Variants in GOLM2 observed in about 807,000 individuals in gnomAD.
GOLM2 encodes the protein protein GOLM2.
In GOLM2, 26 loss-of-function variants were observed where a neutral mutation model predicts 55.9. That is an observed-to-expected ratio of 0.47 (90% CI 0.34 to 0.65). GOLM2 has a LOEUF of 0.65. Ranked by LOEUF, GOLM2 falls within the 30% of genes least tolerant of loss-of-function variation. GOLM2 has a pLI of 0.01. For missense variants in GOLM2, 486 were observed against 531.8 expected, an observed-to-expected ratio of 0.91 and a Z score of 0.85; for synonymous variants, 165 against 194.6, an observed-to-expected ratio of 0.85 and a Z score of 1.27.
At chr15:44,304,421 T>C (rs968594688) in intron 1 of GOLM2, among the ~76,000 whole-genome samples, 5 of 150,878 alleles carry the variant, frequency 3.3e-5, no homozygotes, top group Admixed American at 1.3e-4. Flanking sequence ...TTTGTACTTT[T>C]AGTAGAGACA....
intron 2 of GOLM2, among the ~76,000 whole-genome samples, chr15:44,327,171 G>A (rs2078988732): frequency 2.6e-5 from 4 of 150,968 alleles, no homozygotes; most frequent in African/African-American, 9.7e-5. Flanking sequence ...GGCTGGTCTC[G>A]AACTCCTGAC....
intron 6 of GOLM2, among the ~76,000 whole-genome samples, chr15:44,352,087 A>C (rs1306870419): frequency 6.6e-6 from 1 of 152,200 alleles, no homozygotes; most frequent in African/African-American, 2.4e-5. Context: ...ATTTATATGA[A>C]ATCATAAAAG....
intron 1 of GOLM2, among the ~76,000 whole-genome samples, chr15:44,296,374 C>G (rs976318827): frequency 3.3e-5 from 5 of 152,220 alleles, no homozygotes; most frequent in Non-Finnish European, 7.3e-5. Flanking sequence ...CATACACACA[C>G]ATCAGTTTTG....
intron 6 of GOLM2, among the ~76,000 whole-genome samples, chr15:44,368,661 T>A (rs1458233739): frequency 6.6e-6 from 1 of 151,880 alleles, no homozygotes; most frequent in Admixed American, 6.6e-5. Context: ...TACCAGATGT[T>A]CCCACATTTT....
intron 1 of GOLM2, among the ~76,000 whole-genome samples, chr15:44,306,904 A>G (rs555270894): frequency 6.6e-5 from 10 of 152,306 alleles, no homozygotes; most frequent in African/African-American, 2.4e-4. Context: ...GATTAAACTC[A>G]CTGTCCTCTA....
intron 9 of GOLM2, among the ~76,000 whole-genome samples, chr15:44,410,544 C>T (rs1324804475): frequency 6.6e-6 from 1 of 151,906 alleles, no homozygotes; most frequent in East Asian, 1.9e-4. Context: ...CATATTAAGA[C>T]AGATTTGGGA....
chr15:44,411,961 G>A (rs2079641494), intron 9 of GOLM2, among the ~76,000 whole-genome samples: 1 of 152,092 alleles, frequency 6.6e-6, no homozygotes, highest in Admixed American at 6.6e-5. Context: ...GAGCCCAGGA[G>A]TTCCAGACTA....
chr15:44,391,102 C>T (rs1238772040), intron 8 of GOLM2, among the ~76,000 whole-genome samples: 1 of 152,078 alleles, frequency 6.6e-6, no homozygotes. Flanking sequence ...ATCAAAAGTT[C>T]CCCCCTTCCC....
intron 8 of GOLM2, among the ~76,000 whole-genome samples, chr15:44,391,839 C>G (rs1043981551): frequency 6.6e-6 from 1 of 151,870 alleles, no homozygotes; most frequent in East Asian, 1.9e-4. Context: ...TTGATGAATT[C>G]TTTATTTTTT....
chr15:44,304,116 C>T (rs945694821), intron 1 of GOLM2, among the ~76,000 whole-genome samples: 3 of 151,646 alleles, frequency 2.0e-5, no homozygotes, highest in African/African-American at 7.3e-5. Context: ...TCAAGTAATC[C>T]TCCCACCTCA....
intron 1 of GOLM2, among the ~76,000 whole-genome samples, chr15:44,320,545 TC>T (rs1376781189): frequency 3.3e-5 from 5 of 152,180 alleles, no homozygotes; most frequent in Admixed American, 6.5e-5. Context: ...CCTCAAGTGA[TC>T]CTCTTGCTTT....
intron 4 of GOLM2, among the ~76,000 whole-genome samples, chr15:44,333,594 T>C (rs534560206): frequency 5.3e-5 from 8 of 152,294 alleles, no homozygotes; most frequent in East Asian, 3.9e-4. Context: ...AAAGGTATTA[T>C]TGAGACACTG....
intron 6 of GOLM2, chr15:44,349,041 C>T (rs2079143385): frequency 1.3e-5 from 2 of 152,332 alleles, no homozygotes; most frequent in Admixed American, 1.3e-4. Context: ...AGGCGGATCA[C>T]CTGAGGTCGG....
Position 44,404,514 on chromosome 15 carries a change from C to T in GOLM2, c.1240+1460C>T, listed in dbSNP as rs184918597. ...TGATATTGATATAAATATAACCTTACAATATTATGTACTTTTTCTATAATC... is the reference window on the plus strand; with the variant it reads ...TGATATTGATATAAATATAACCTTATAATATTATGTACTTTTTCTATAATC... On this transcript the variant is annotated intron_variant, in intron 9 of 9. Coordinates refer to ENST00000299957, the MANE Select transcript of GOLM2 (RefSeq NM_138423.4). 1.9e-4 allele frequency among the ~76,000 whole-genome samples: 29 copies of T among 151,970 alleles called. No homozygotes were observed. In the East Asian group the frequency reaches 4.2e-3, roughly 22 times the overall value.
rs144443403 is a variant in GOLM2, at chr15:44,380,628, G to A, written c.902-178G>A. ...ACTTCCCACAGCTAAAATCACATTG[G>A]TTATAATACTTGATTAAAGAAATGA... On this transcript the variant is annotated intron_variant, in intron 7 of 9. Coordinates refer to ENST00000299957, the MANE Select transcript of GOLM2 (RefSeq NM_138423.4). Among the ~76,000 whole-genome samples, 436 of 148,146 alleles carry A rather than the reference G, an allele frequency of 2.9e-3. 3 individuals carry two copies. Among genetic ancestry groups the A allele is most frequent in the African/African-American group, 0.011 (424 of 40,038 alleles).
chr15:44,385,702 A>G (rs2141198460), intron 8 of GOLM2, among the ~76,000 whole-genome samples: 1 of 152,018 alleles, frequency 6.6e-6, no homozygotes, highest in Admixed American at 6.5e-5. Context: ...ATACCCTACC[A>G]TGTCTGGCTA....
intron 1 of GOLM2, among the ~76,000 whole-genome samples, chr15:44,295,624 C>G (rs1321131665): frequency 6.6e-6 from 1 of 152,136 alleles, no homozygotes; most frequent in Non-Finnish European, 1.5e-5. Flanking sequence ...AGTCTAAGAC[C>G]AAGGTGCCAG....
At chr15:44,368,138 T>C (rs995267283) in intron 6 of GOLM2, among the ~76,000 whole-genome samples, 6 of 151,616 alleles carry the variant, frequency 4.0e-5, no homozygotes, top group Non-Finnish European at 8.8e-5. Flanking sequence ...TTTTTAAAAT[T>C]TATTTATTTA....
intron 6 of GOLM2, among the ~76,000 whole-genome samples, chr15:44,340,651 C>T (rs906129123): frequency 6.6e-6 from 1 of 152,180 alleles, no homozygotes; most frequent in Non-Finnish European, 1.5e-5. Flanking sequence ...GGTCTCATTC[C>T]AGACCTACTT....
Sources: gnomAD v4.1 joint callset for allele counts (sites outside exome capture counted in the v4.1 genomes callset) on GRCh38, gnomAD v4.1.1 for gene constraint, MANE v1.5 for transcripts, NCBI Gene and HGNC (gene_info 2026-07-23, HGNC 2026-07-21) for gene names.